The following UBAC2 variants were observed in gnomAD, a reference collection of about 807,000 sequenced individuals.
The protein encoded by UBAC2 is UBA domain containing 2, also known as ubiquitin-associated domain-containing protein 2.
In UBAC2, 26 loss-of-function variants were observed where a neutral mutation model predicts 44.0. That is an observed-to-expected ratio of 0.59 (90% CI 0.43 to 0.82). The LOEUF is 0.82. UBAC2 is among the 40% of genes least tolerant of loss of function. UBAC2 has a pLI of 0.00. For missense variants in UBAC2, 329 were observed against 419.4 expected, an observed-to-expected ratio of 0.78 and a Z score of 1.88; for synonymous variants, 155 against 154.3, an observed-to-expected ratio of 1.00 and a Z score of -0.04.
chr13:99,283,092 CAA>C (rs2043974451), intron 4 of UBAC2, among the ~76,000 whole-genome samples: 1 of 152,164 alleles, frequency 6.6e-6, no homozygotes, highest in Non-Finnish European at 1.5e-5. Flanking sequence ...TTTAGGAAGG[CAA>C]ATAATCAGTC....
chr13:99,214,517 G>A (rs189817041), intron 1 of UBAC2, among the ~76,000 whole-genome samples: 328 of 152,214 alleles, frequency 2.2e-3, no homozygotes, highest in South Asian at 4.4e-3. Flanking sequence ...GGTGGGGGAA[G>A]CAGGACTGTG....
chr13:99,277,977 A>G (rs1485685150), intron 4 of UBAC2, among the ~76,000 whole-genome samples: 2 of 152,212 alleles, frequency 1.3e-5, no homozygotes, highest in Admixed American at 6.5e-5. Context: ...GTCTCCCCAT[A>G]GAAGGGCCTT....
At chr13:99,232,284 A>G (rs12877932) in intron 1 of UBAC2, among the ~76,000 whole-genome samples, 2 of 151,892 alleles carry the variant, frequency 1.3e-5, no homozygotes, top group South Asian at 4.1e-4. Context: ...GAAAGGAGCA[A>G]ACTTTAATAT....
intron 1 of UBAC2, among the ~76,000 whole-genome samples, chr13:99,216,787 G>C (rs1010098339): frequency 1.3e-5 from 2 of 151,448 alleles, no homozygotes; most frequent in Admixed American, 6.6e-5. Context: ...AATTTTACCT[G>C]GTGGTCTTCT....
intron 7 of UBAC2, among the ~76,000 whole-genome samples, chr13:99,346,726 C>T (rs904069716): frequency 2.0e-5 from 3 of 152,128 alleles, no homozygotes; most frequent in Non-Finnish European, 2.9e-5. Context: ...CTGGGGGGCT[C>T]CCAGGGCTCT....
chr13:99,350,068 C>T (rs1489366516), intron 7 of UBAC2, among the ~76,000 whole-genome samples: 1 of 152,176 alleles, frequency 6.6e-6, no homozygotes, highest in East Asian at 1.9e-4. Context: ...CAGCACCTGA[C>T]CCTATGCCCG....
chr13:99,339,192 G>A (rs982322071), intron 6 of UBAC2, among the ~76,000 whole-genome samples: 7 of 152,148 alleles, frequency 4.6e-5, no homozygotes, highest in African/African-American at 1.4e-4. Context: ...CGCAGCATCT[G>A]CTGCTTTCTC....
chr13:99,304,859 C>T (rs1394514069), intron 4 of UBAC2, among the ~76,000 whole-genome samples: 1 of 152,176 alleles, frequency 6.6e-6, no homozygotes, highest in African/African-American at 2.4e-5. Context: ...CCGACGTGAT[C>T]TGCTATTATG....
intron 1 of UBAC2, among the ~76,000 whole-genome samples, chr13:99,228,927 C>A (rs1323406332): frequency 6.6e-6 from 1 of 152,164 alleles, no homozygotes; most frequent in Admixed American, 6.5e-5. Flanking sequence ...GTACAATAAC[C>A]ACAGTGTCAA....
intron 4 of UBAC2, among the ~76,000 whole-genome samples, chr13:99,297,163 T>C (rs1282980980): frequency 6.6e-6 from 1 of 152,198 alleles, no homozygotes; most frequent in Non-Finnish European, 1.5e-5. Flanking sequence ...GCAGAAATTT[T>C]AAGTACTAAA....
intron 6 of UBAC2, among the ~76,000 whole-genome samples, chr13:99,321,680 A>G (rs1489463131): frequency 6.6e-6 from 1 of 152,240 alleles, no homozygotes; most frequent in East Asian, 1.9e-4. Context: ...TAACTTTAAA[A>G]TATTCCACTG....
chr13:99,207,611 C>T (rs1278249816), intron 1 of UBAC2, among the ~76,000 whole-genome samples: 2 of 152,194 alleles, frequency 1.3e-5, no homozygotes, highest in Non-Finnish European at 2.9e-5. Context: ...CTGAGTGAAA[C>T]TCTTGTTTGA....
chr13:99,318,099 TC>T, intron 6 of UBAC2, 30 bp downstream of exon 6: 1 of 1,551,900 alleles, frequency 6.4e-7, no homozygotes, highest in Non-Finnish European at 8.9e-7. Flanking sequence ...TACACCCAAT[TC>T]TCTCTCTCTC....
chr13:99,227,879 T>C (rs1007955140), intron 1 of UBAC2, among the ~76,000 whole-genome samples: 22 of 151,758 alleles, frequency 1.4e-4, no homozygotes, highest in African/African-American at 5.3e-4. Flanking sequence ...AAGTTGGGAG[T>C]GTGAATTAGG....
At chr13:99,240,165 C>T (rs916003756) in intron 2 of UBAC2, among the ~76,000 whole-genome samples, 1 of 152,154 alleles carries the variant, frequency 6.6e-6, no homozygotes, top group East Asian at 1.9e-4. Context: ...GCAGTGAATG[C>T]AGAGGTACAG....
chr13:99,307,479 A>T (rs2044352778), intron 4 of UBAC2: 1 of 149,890 alleles, frequency 6.7e-6, no homozygotes. Context: ...TTTCTCTGTC[A>T]CCCTGTGACT....
In UBAC2 at chr13:99,242,355, C is replaced by T. The variant is rs1375290056; in HGVS notation, c.160-1477C>T. Among the ~76,000 whole-genome samples, 14 of 147,582 alleles carry T rather than the reference C, an allele frequency of 9.5e-5. No individual in the cohort carries two copies. In the South Asian group the frequency reaches 2.4e-3, roughly 25 times the overall value. ...CTGACCCCCCCACCTCCCTCCCGGA[C>T]GGGGCGGCTGTCCGGGCAGAGGGGC... On this transcript the variant is annotated intron_variant, in intron 2 of 8. Transcript: ENST00000403766.
chr13:99,304,668 C>T (rs968560951), intron 4 of UBAC2, among the ~76,000 whole-genome samples: 2 of 152,166 alleles, frequency 1.3e-5, no homozygotes, highest in East Asian at 3.8e-4. Flanking sequence ...GCCCTGGGCA[C>T]TCTATGTGTG....
chr13:99,272,905 C>T (rs2043834415), intron 4 of UBAC2, among the ~76,000 whole-genome samples: 2 of 151,796 alleles, frequency 1.3e-5, no homozygotes, highest in Non-Finnish European at 2.9e-5. Context: ...ATCTGCTTTA[C>T]TCTCTATTCC....
Sources: gnomAD v4.1 joint callset for allele counts (sites outside exome capture counted in the v4.1 genomes callset) on GRCh38, gnomAD v4.1.1 for gene constraint, MANE v1.5 for transcripts, NCBI Gene and HGNC (gene_info 2026-07-23, HGNC 2026-07-21) for gene names.